PRKD1: variants seen among roughly 807,000 people sequenced by gnomAD.
PRKD1 encodes serine/threonine-protein kinase D1.
PRKD1 carries 63 observed loss-of-function variants against 95.9 expected under a neutral mutation model. The observed-to-expected ratio is 0.66, with a 90% CI of 0.54 to 0.81. The LOEUF (loss-of-function observed/expected upper bound fraction) is 0.81, where lower values mean the gene tolerates loss of function less well. Among genes scored for constraint, PRKD1 ranks in the 30% least tolerant of loss-of-function variants. PRKD1 has a pLI of 0.00. For synonymous variants in PRKD1, 425 were observed against 423.1 expected, an observed-to-expected ratio of 1.00 and a Z score of -0.05; for missense variants, 1,048 against 1,165.3, an observed-to-expected ratio of 0.90 and a Z score of 1.47.
rs150267551 is a variant in PRKD1, at chr14:29,602,499, G to A, written c.1906-2682C>T. On this transcript the variant is annotated intron_variant, in intron 13 of 17. Transcript: ENST00000331968. ...AGGTTGGAGTGCAATGGCAAATCTC[G>A]GCTCACCACAACCTCTGCCTCCCAG... is the stretch of plus-strand genomic sequence containing the variant. Among the ~76,000 whole-genome samples, 541 of 149,374 alleles carry A rather than the reference G, an allele frequency of 3.6e-3. 3 individuals carry two copies. The highest frequency in any genetic ancestry group is 0.013 in the African/African-American group (510 of 40,552).
At chr14:29,807,083 G>A (rs995379722) in intron 1 of PRKD1, among the ~76,000 whole-genome samples, 27 of 152,016 alleles carry the variant, frequency 1.8e-4, no homozygotes, top group African/African-American at 6.0e-4. Context: ...GCTGACAATC[G>A]TCTCCAGTGG....
At chr14:29,914,777 C>CAT (rs1555356392) in intron 1 of PRKD1, among the ~76,000 whole-genome samples, 5 of 144,332 alleles carry the variant, frequency 3.5e-5, no homozygotes, top group African/African-American at 1.3e-4. Flanking sequence ...CTTTTCTTTT[C>CAT]TTTTTTTTTT....
intron 1 of PRKD1, among the ~76,000 whole-genome samples, chr14:29,853,525 A>G (rs1440216322): frequency 1.3e-5 from 2 of 152,356 alleles, no homozygotes; most frequent in Non-Finnish European, 2.9e-5. Flanking sequence ...ATCAAAGCTT[A>G]TATTTCTAGA....
intron 16 of PRKD1, among the ~76,000 whole-genome samples, chr14:29,584,073 T>C (rs565875404): frequency 6.6e-6 from 1 of 152,176 alleles, no homozygotes; most frequent in Non-Finnish European, 1.5e-5. Context: ...TGCACAAGGA[T>C]ACCTGAACAA....
At chr14:29,613,266 T>C (rs1313049237) in intron 13 of PRKD1, among the ~76,000 whole-genome samples, 1 of 152,218 alleles carries the variant, frequency 6.6e-6, no homozygotes, top group Non-Finnish European at 1.5e-5. Context: ...GACTTATTTG[T>C]GATTTAAAAA....
chr14:29,722,707 G>A (rs552677003), intron 2 of PRKD1, among the ~76,000 whole-genome samples: 142 of 152,224 alleles, frequency 9.3e-4, no homozygotes, highest in Non-Finnish European at 1.6e-3. Flanking sequence ...AGTCAGGTAG[G>A]CTGGGAACTG....
intron 5 of PRKD1, 41 bp from the exon 6 acceptor site, chr14:29,638,607 G>A (rs532428374): frequency 2.5e-6 from 4 of 1,613,078 alleles, no homozygotes; most frequent in African/African-American, 1.3e-5. Flanking sequence ...ATGAGAATTT[G>A]TCATAAAGAA....
chr14:29,702,057 A>T (rs748351768), intron 2 of PRKD1, among the ~76,000 whole-genome samples: 3 of 152,142 alleles, frequency 2.0e-5, no homozygotes, highest in Admixed American at 6.5e-5. Flanking sequence ...TGTTTATGTT[A>T]TTGAACCTCT....
chr14:29,659,794 C>T (rs150569003), intron 4 of PRKD1, among the ~76,000 whole-genome samples: 56 of 152,240 alleles, frequency 3.7e-4, no homozygotes, highest in African/African-American at 1.3e-3. Context: ...TTTTAAATAA[C>T]GTTGTCTGTC....
chr14:29,830,340 T>A (rs1002239067), intron 1 of PRKD1, among the ~76,000 whole-genome samples: 2 of 152,206 alleles, frequency 1.3e-5, no homozygotes, highest in Non-Finnish European at 2.9e-5. Context: ...TAATGGGCCT[T>A]CGTTTGCCAA....
At chr14:29,579,760 T>C (rs1892691939) in intron 16 of PRKD1, among the ~76,000 whole-genome samples, 1 of 152,136 alleles carries the variant, frequency 6.6e-6, no homozygotes, top group South Asian at 2.1e-4. Flanking sequence ...AAACAATTAT[T>C]TGGAGAAATG....
In PRKD1 at chr14:29,694,360, G is replaced by A. The variant is rs1034656860; in HGVS notation, c.404-28152C>T. Among the ~76,000 whole-genome samples the A allele has an allele frequency of 3.3e-5, 5 of 152,260 alleles. No homozygotes were observed. In the East Asian group the frequency reaches 9.6e-4, roughly 29 times the overall value. On this transcript the variant is annotated intron_variant, in intron 2 of 17. Transcript: ENST00000331968. The stretch of plus-strand genomic sequence containing the variant: ...ACATTTCAGCTGAAAAAGTTAACTT[G>A]CCCAATTATGAGATAGAAAAGACTT...
chr14:29,701,893 T>A (rs889599969), intron 2 of PRKD1, among the ~76,000 whole-genome samples: 1 of 152,186 alleles, frequency 6.6e-6, no homozygotes, highest in Non-Finnish European at 1.5e-5. Context: ...ACTTAAATCC[T>A]CTTAACATCT....
At chr14:29,763,239 G>A (rs908558048) in intron 1 of PRKD1, among the ~76,000 whole-genome samples, 3 of 149,726 alleles carry the variant, frequency 2.0e-5, no homozygotes, top group Admixed American at 1.3e-4. Context: ...TGAGGCTCCA[G>A]TGAGCTGTGA....
At chr14:29,650,388 G>A (rs1195590704) in intron 4 of PRKD1, 1 of 152,332 alleles carries the variant, frequency 6.6e-6, no homozygotes, top group Non-Finnish European at 1.5e-5. Flanking sequence ...AGGGCACCGG[G>A]ACATGGGAGG....
At chr14:29,646,815 C>T (rs1364640709) in intron 4 of PRKD1, among the ~76,000 whole-genome samples, 1 of 150,902 alleles carries the variant, frequency 6.6e-6, no homozygotes, top group Non-Finnish European at 1.5e-5. Context: ...ACCTCTCACA[C>T]AGGAGTGGGG....
chr14:29,601,070 G>GA (rs1003515256), intron 13 of PRKD1, among the ~76,000 whole-genome samples: 29 of 151,582 alleles, frequency 1.9e-4, no homozygotes, highest in African/African-American at 2.9e-4. Flanking sequence ...CTTTATTTTA[G>GA]AAAAAAAAAT....
At chr14:29,827,052 A>G (rs1448297047) in intron 1 of PRKD1, among the ~76,000 whole-genome samples, 1 of 150,834 alleles carries the variant, frequency 6.6e-6, no homozygotes, top group East Asian at 2.0e-4. Context: ...GAAGAATGAC[A>G]CAATGGACTT....
intron 1 of PRKD1, among the ~76,000 whole-genome samples, chr14:29,783,064 T>C (rs1408506313): frequency 6.6e-6 from 1 of 152,218 alleles, no homozygotes; most frequent in African/African-American, 2.4e-5. Context: ...TTGTTAATTA[T>C]AGTCATCCTA....
Sources: allele counts gnomAD v4.1 joint callset (sites outside exome capture counted in the v4.1 genomes callset), GRCh38; gene constraint gnomAD v4.1.1; transcripts MANE v1.5; gene names NCBI Gene and HGNC (gene_info 2026-07-23, HGNC 2026-07-21).